The following NUP62CL variants were observed in gnomAD, a reference collection of about 807,000 sequenced individuals.
The protein encoded by NUP62CL is nucleoporin-62 C-terminal-like protein.
In NUP62CL, 13 loss-of-function variants were observed where a neutral mutation model predicts 15.3. That is an observed-to-expected ratio of 0.85 (90% CI 0.55 to 1.35). The LOEUF (loss-of-function observed/expected upper bound fraction) is 1.35, where lower values mean the gene tolerates loss of function less well. Among genes scored for constraint, NUP62CL ranks in the 40% most tolerant of loss-of-function variants. NUP62CL has a pLI of 0.00. For missense variants in NUP62CL, 123 were observed against 130.6 expected (o/e 0.94, Z 0.28); for synonymous variants, 54 against 49.2 (o/e 1.10, Z -0.41).
intron 8 of NUP62CL, chrX:107,131,599 C>T (rs974749899): frequency 7.9e-5 from 35 of 445,758 alleles, no homozygotes; most frequent in Middle Eastern, 6.4e-4. Context: ...GGCAGCTCCG[C>T]GTCGCCAGTG....
chrX:107,185,196 C>CAAAAAAAA lies in NUP62CL; in HGVS notation c.-48+7825_-48+7832dup, dbSNP rs3072235. ...TGGGCGACACAGCGAGACTCCGTCT[C>CAAAAAAAA]AAAAAAAAAAAAAAAAAAAAAAAAA... On this transcript the variant is annotated intron_variant, in intron 2 of 8. Transcript: ENST00000372466. 5.1e-3 allele frequency among the ~76,000 whole-genome samples: 108 copies of CAAAAAAAA among 20,979 alleles called. 23 individuals are homozygous for CAAAAAAAA. The highest frequency in any genetic ancestry group is 0.016 in the African/African-American group (104 of 6,462). 18.2% of individuals were successfully genotyped at this position (20,979 alleles called of 115,157 possible). A position where few individuals can be genotyped will look rare whatever the true frequency, so the allele number is the denominator to read the frequency against.
rs3072230 is a variant in NUP62CL at position 107,152,117 on chromosome X, G to GATATATATATATATATATTCAGAT, written c.530+1054_530+1055insATCTGAATATATATATATATATAT. 2.1e-3 allele frequency among the ~76,000 whole-genome samples: 73 copies of GATATATATATATATATATTCAGAT among 34,726 alleles called. 8 individuals carry two copies. Among genetic ancestry groups the GATATATATATATATATATTCAGAT allele is most frequent in the African/African-American group, 0.011 (72 of 6,362 alleles). 30.2% of individuals were successfully genotyped at this position (34,726 alleles called of 115,157 possible). A position where few individuals can be genotyped will look rare whatever the true frequency, so the allele number is the denominator to read the frequency against. On this transcript the variant is annotated intron_variant, in intron 7 of 8. Coordinates refer to ENST00000372466, the MANE Select transcript of NUP62CL (RefSeq NM_017681.3). The stretch of plus-strand genomic sequence containing the variant: ...ATATTCAGATATATATATATATTCA[G>GATATATATATATATATATTCAGAT]ATATATATATATATTCAGATATATA...
At chrX:107,195,869 TTATAACA>T (rs1927351481) in intron 1 of NUP62CL, among the ~76,000 whole-genome samples, 2 of 111,372 alleles carry the variant, frequency 1.8e-5, no homozygotes, top group Admixed American at 1.9e-4. Context: ...ATTATAGGTT[TTATAACA>T]TATAATTATT....
rs199558177 is a variant in NUP62CL at position 107,186,624 on chromosome X, C to T, written c.-48+6405G>A. Among the ~76,000 whole-genome samples the T allele has an allele frequency of 5.8e-4, 65 of 111,533 alleles. No homozygotes were observed. In the East Asian group the frequency reaches 0.01, roughly 17 times the overall value. On this transcript the variant is annotated intron_variant, in intron 2 of 8. Transcript: ENST00000372466. ...AAATACACATACTTTTCGAGCGGGG[C>T]GTGATAGCTCACTCCTGTAATCCTA...
At chrX:107,131,528 T>C in intron 8 of NUP62CL, 1 of 342,505 alleles carries the variant, frequency 2.9e-6, no homozygotes, top group Non-Finnish European at 5.2e-6. Flanking sequence ...ACAACTAGGG[T>C]TTTTAAATTG....
chrX:107,198,587 G>A (rs1244559692), intron 1 of NUP62CL, among the ~76,000 whole-genome samples: 1 of 110,663 alleles, frequency 9.0e-6, no homozygotes, highest in Non-Finnish European at 1.9e-5. Context: ...AACTCTGGAC[G>A]CACCACCTTT....
intron 8 of NUP62CL, among the ~76,000 whole-genome samples, chrX:107,139,215 G>A (rs1237655315): frequency 9.0e-6 from 1 of 111,254 alleles, no homozygotes; most frequent in Non-Finnish European, 1.9e-5. Flanking sequence ...TGTGATTAAA[G>A]GGGGAACATG....
chrX:107,123,937 A>G lies in NUP62CL; in HGVS notation c.*438T>C, dbSNP rs1054646338. The G allele has an allele frequency of 4.3e-5, 7 of 163,223 alleles. No individual in the cohort carries two copies. The highest frequency in any genetic ancestry group is 7.8e-5 in the Non-Finnish European group (7 of 89,745). 13.5% of individuals were successfully genotyped at this position (163,223 alleles called of 1,213,427 possible). On this transcript the variant is annotated 3_prime_UTR_variant, in exon 9 of 9. Coordinates refer to ENST00000372466, the MANE Select transcript of NUP62CL (RefSeq NM_017681.3). ...ATGTACTTTTGGCAGACATCACCCT[A>G]TGATTCAACTGGAGTGAGAAGGATG...
intron 2 of NUP62CL, among the ~76,000 whole-genome samples, chrX:107,177,531 C>T (rs1242475821): frequency 1.8e-5 from 2 of 111,339 alleles, no homozygotes; most frequent in East Asian, 5.6e-4. Context: ...AGCAGAGAAC[C>T]TTTCCAGGAT....
chrX:107,160,990 T>G (rs1442757414), intron 4 of NUP62CL, among the ~76,000 whole-genome samples: 1 of 111,370 alleles, frequency 9.0e-6, no homozygotes, highest in Non-Finnish European at 1.9e-5. Flanking sequence ...CAGACACTTC[T>G]CAAAAGAAGA....
At chrX:107,146,202 T>C (rs1425011353) in intron 8 of NUP62CL, among the ~76,000 whole-genome samples, 2 of 111,453 alleles carry the variant, frequency 1.8e-5, no homozygotes, top group African/African-American at 6.5e-5. Flanking sequence ...AACTATTCAG[T>C]AATCTATGGA....
rs1170569092 is a variant in NUP62CL at position 107,206,356 on chromosome X, G to C, written c.-175C>G. ...GAGACTGCTAGACGCCAGAGGGGCG[G>C]GTCCGGACCTGCTCGAGCCGGAAAG... On this transcript the variant is annotated 5_prime_UTR_variant, in exon 1 of 9. Coordinates refer to ENST00000372466, the MANE Select transcript of NUP62CL (RefSeq NM_017681.3). 1.8e-5 allele frequency: 2 copies of C among 110,696 alleles called. No homozygotes were observed. Among genetic ancestry groups the C allele is most frequent in the Non-Finnish European group, 3.8e-5 (2 of 52,833 alleles). The allele number at this position is 110,696 out of a possible 1,213,427, so 9.1% of individuals were successfully genotyped here.
At chrX:107,187,490 C>T (rs994327355) in intron 2 of NUP62CL, among the ~76,000 whole-genome samples, 1 of 112,179 alleles carries the variant, frequency 8.9e-6, no homozygotes. Context: ...CTCTGCCTCC[C>T]GGGTTCAAGC....
chrX:107,156,534 C>A (rs1473762194), intron 4 of NUP62CL, among the ~76,000 whole-genome samples: 1 of 100,948 alleles, frequency 9.9e-6, no homozygotes, highest in Non-Finnish European at 2.0e-5. Flanking sequence ...ACACCTCACA[C>A]GGCAGGGTAT....
chrX:107,194,725 C>T (rs1215708001), intron 1 of NUP62CL, among the ~76,000 whole-genome samples: 1 of 109,085 alleles, frequency 9.2e-6, no homozygotes, highest in South Asian at 3.9e-4. Flanking sequence ...ATCAAACATG[C>T]ATATATTAGA....
chrX:107,196,432 G>A (rs1423188762), intron 1 of NUP62CL, among the ~76,000 whole-genome samples: 1 of 110,228 alleles, frequency 9.1e-6, no homozygotes, highest in East Asian at 2.8e-4. Flanking sequence ...TATTTCTTTT[G>A]TTTGTTTGTT....
chrX:107,135,858 C>T (rs183426888), intron 8 of NUP62CL, among the ~76,000 whole-genome samples: 48 of 110,846 alleles, frequency 4.3e-4, no homozygotes, highest in Non-Finnish European at 3.0e-4. Context: ...GTGCACCATT[C>T]TGAGTAGTGT....
At chrX:107,137,019 G>A (rs1925656450) in intron 8 of NUP62CL, among the ~76,000 whole-genome samples, 1 of 111,882 alleles carries the variant, frequency 8.9e-6, no homozygotes, top group Non-Finnish European at 1.9e-5. Context: ...AGCCAAGTTT[G>A]CACCATTGCA....
chrX:107,190,693 T>C (rs1927216563), intron 2 of NUP62CL, among the ~76,000 whole-genome samples: 1 of 111,432 alleles, frequency 9.0e-6, no homozygotes, highest in Admixed American at 9.6e-5. Context: ...AAACCTTACT[T>C]GTGGACTGTC....
Sources: gnomAD v4.1 joint callset for allele counts (sites outside exome capture counted in the v4.1 genomes callset) on GRCh38, gnomAD v4.1.1 for gene constraint, MANE v1.5 for transcripts, NCBI Gene and HGNC (gene_info 2026-07-23, HGNC 2026-07-21) for gene names.